ANKRD26: variants seen among roughly 807,000 people sequenced by gnomAD.
The protein encoded by ANKRD26 is ankyrin repeat domain 26, also known as ankyrin repeat domain-containing protein 26.
In ANKRD26, 141 loss-of-function variants were observed where a neutral mutation model predicts 208.7. The ratio of observed to expected loss-of-function variants is 0.68; its 90% CI spans 0.59 to 0.78. ANKRD26 has a LOEUF of 0.78. Ranked by LOEUF, ANKRD26 falls within the 30% of genes least tolerant of loss-of-function variation. The probability of loss-of-function intolerance (pLI) is 0.00; values close to 1 mark genes in which losing one functional copy is unlikely to be tolerated. For missense variants in ANKRD26, 1,889 were observed against 1,938.7 expected (o/e 0.97, Z 0.48); for synonymous variants, 636 against 660.4 (o/e 0.96, Z 0.57).
intron 21 of ANKRD26, 126 bp from the exon 22 acceptor site, chr10:27,038,180 C>A: frequency 1.3e-6 from 1 of 788,176 alleles, no homozygotes; most frequent in Non-Finnish European, 2.0e-6. Context: ...AATATTTTTC[C>A]TTTCTAGTTC....
intron 9 of ANKRD26, among the ~76,000 whole-genome samples, chr10:27,071,058 C>T (rs999114215): frequency 2.0e-5 from 3 of 151,752 alleles, no homozygotes; most frequent in South Asian, 2.1e-4. Context: ...AAATTTTGAC[C>T]GCTTTCATTT....
At position 27,061,896 on chromosome 10, in the gene ANKRD26, T is replaced by C. The variant is rs934020516; in HGVS notation, c.1364-654A>G. 19 of 956,204 alleles carry C rather than the reference T, an allele frequency of 2.0e-5. No homozygotes were observed. In the Admixed American group the frequency reaches 8.0e-4, roughly 40 times the overall value. 59.2% of individuals were successfully genotyped at this position (956,204 alleles called of 1,614,324 possible). On this transcript the variant is annotated intron_variant, in intron 12 of 33. Transcript: ENST00000376087. ...ATATATCTTTGATGTCTGATAGTTA[T>C]AGAAAGGAGATATGAATCACTGTAG...
rs11404415 is a variant in ANKRD26, at chr10:27,099,562, T to TGGG, written c.242+520_242+522dup. ...TCCAAGTAGCTGAGACTATTAGAGT[T>TGGG]GGGGGGGGGGGTCTCGCTATAATGC... is the stretch of plus-strand genomic sequence containing the variant. On this transcript the variant is annotated intron_variant, in intron 1 of 33. Coordinates refer to ENST00000376087, the MANE Select transcript of ANKRD26 (RefSeq NM_014915.3). Among the ~76,000 whole-genome samples, 79 of 113,710 alleles carry TGGG rather than the reference T, an allele frequency of 6.9e-4. 1 individual carries two copies. The highest frequency in any genetic ancestry group is 4.0e-3 in the Middle Eastern group (1 of 252). The allele number at this position is 113,710 out of a possible 152,430, so 74.6% of individuals were successfully genotyped here. A position where few individuals can be genotyped will look rare whatever the true frequency, so the allele number is the denominator to read the frequency against.
At chr10:27,098,126 T>C (rs138160418) in intron 1 of ANKRD26, among the ~76,000 whole-genome samples, 11 of 151,932 alleles carry the variant, frequency 7.2e-5, no homozygotes, top group African/African-American at 2.6e-4. Context: ...TCTTTTTTTA[T>C]TTTTATTTTT....
intron 16 of ANKRD26, 87 bp downstream of exon 16, chr10:27,053,233 C>G: frequency 1.0e-5 from 10 of 978,460 alleles, no homozygotes; most frequent in Admixed American, 1.9e-5. Flanking sequence ...AAAGGCTAGT[C>G]TGAAAAGTAA....
chr10:27,082,140 AG>A (rs1354054835), intron 6 of ANKRD26, among the ~76,000 whole-genome samples: 1 of 152,052 alleles, frequency 6.6e-6, no homozygotes, highest in Non-Finnish European at 1.5e-5. Flanking sequence ...ACTAGCCTAA[AG>A]GGAAAACCAA....
chr10:27,071,127 G>C (rs1316552481), intron 9 of ANKRD26, among the ~76,000 whole-genome samples: 2 of 148,286 alleles, frequency 1.3e-5, no homozygotes, highest in South Asian at 4.3e-4. Flanking sequence ...AGATAAATCA[G>C]AATATTGCAG....
intron 25 of ANKRD26, among the ~76,000 whole-genome samples, chr10:27,031,132 C>A (rs1456282686): frequency 1.3e-5 from 2 of 152,154 alleles, no homozygotes; most frequent in African/African-American, 4.8e-5. Flanking sequence ...ACAGAAACTG[C>A]AAAGGCAGGA....
chr10:27,067,648 GATCCC>G (rs1373387099), intron 9 of ANKRD26, among the ~76,000 whole-genome samples: 10 of 152,160 alleles, frequency 6.6e-5, no homozygotes, highest in Admixed American at 5.2e-4. Flanking sequence ...TAAAGAAGCA[GATCCC>G]ATGAGAACTC....
At chr10:26,997,635 A>G (rs2052622444) in intron 4 of ANKRD26, among the ~76,000 whole-genome samples, 1 of 152,174 alleles carries the variant, frequency 6.6e-6, no homozygotes, top group Admixed American at 6.5e-5. Context: ...TTGGGAGAGA[A>G]GCTGAGGCAG....
Position 27,061,242 on chromosome 10 carries a change from T to G in ANKRD26, c.1364A>C (p.Asp455Ala), listed in dbSNP as rs199857139. The stretch of plus-strand genomic sequence containing the variant: ...CATGCAAGAAGGTATATAAAACACA[T>G]CTAAGAAATAATACATAATAAGCTT... ...EKNIGNEQAE[D>A]VFYIPSCMSG... Residue 455 changes from aspartate to alanine, a missense_variant and splice_region_variant, in exon 13 of 34, where the codon GAT becomes GCT. Around this residue, in one of 3 missense-constraint regions of ANKRD26, gnomAD observed 1,272 missense variants for 1,273.8 expected, o/e 1.00. Coordinates refer to ENST00000376087, the MANE Select transcript of ANKRD26 (RefSeq NM_014915.3). 1 of 1,574,330 alleles carries G rather than the reference T, an allele frequency of 6.4e-7. No individual in the cohort carries two copies. The highest frequency in any genetic ancestry group is 1.1e-5 in the South Asian group (1 of 90,002).
At chr10:27,010,413 T>C (rs538716180) in intron 32 of ANKRD26, among the ~76,000 whole-genome samples, 3 of 152,352 alleles carry the variant, frequency 2.0e-5, no homozygotes, top group Admixed American at 6.5e-5. Context: ...TTATAAAATG[T>C]TGTTACCTGA....
Position 27,005,252 on chromosome 10 carries a change from A to C in ANKRD26, c.*338T>G, listed in dbSNP as rs1402128231. The C allele has an allele frequency of 3.9e-6, 4 of 1,019,268 alleles. No homozygotes were observed. In the African/African-American group the frequency reaches 5.2e-5, roughly 13 times the overall value. 63.1% of individuals were successfully genotyped at this position (1,019,268 alleles called of 1,614,324 possible). A position where few individuals can be genotyped will look rare whatever the true frequency, so the allele number is the denominator to read the frequency against. On this transcript the variant is annotated 3_prime_UTR_variant, in exon 34 of 34. Transcript: ENST00000376087. ...AACAAAATGATGTCTAAGTCCAATT[A>C]GACATCTACCACTACATATAGTGAT...
At chr10:27,041,608 A>C (rs1017318293) in intron 20 of ANKRD26, among the ~76,000 whole-genome samples, 3 of 152,198 alleles carry the variant, frequency 2.0e-5, no homozygotes, top group African/African-American at 7.2e-5. Context: ...TTTTTTAAAA[A>C]CCAAATTGCA....
Position 27,033,244 on chromosome 10 carries a change from A to G in ANKRD26, c.3788T>C (p.Leu1263Ser), listed in dbSNP as rs1360960169. Residue 1263 changes from leucine to serine, a missense_variant, in exon 25 of 34, where the codon TTA (leucine) becomes TCA (serine). By Grantham distance (145) the Leu-to-Ser change is moderately radical. Around this residue, in one of 3 missense-constraint regions of ANKRD26, gnomAD observed 613 missense variants for 648.2 expected, o/e 0.95. Transcript: ENST00000376087. ...ACATACTTGATTTCTGATTTGACCT[A>G]ATTTCTTCTTTAAATCCTGTGTCTC... ...EDETQDLKKK[L>S]GQIRNQLQEA... The G allele has an allele frequency of 1.2e-6, 2 of 1,611,232 alleles. No individual in the cohort carries two copies. The highest frequency in any genetic ancestry group is 1.7e-6 in the Non-Finnish European group (2 of 1,178,032).
intron 32 of ANKRD26, among the ~76,000 whole-genome samples, chr10:27,007,742 A>C (rs2052942785): frequency 6.6e-6 from 1 of 152,226 alleles, no homozygotes; most frequent in Non-Finnish European, 1.5e-5. Context: ...TTTTTGGTAC[A>C]GAATCATCAA....
intron 15 of ANKRD26, among the ~76,000 whole-genome samples, chr10:27,056,750 T>C (rs2054853703): frequency 6.6e-6 from 1 of 151,930 alleles, no homozygotes; most frequent in African/African-American, 2.4e-5. Context: ...GCACTCCAGC[T>C]TGGGCAGCAA....
At chr10:26,979,905 A>G (rs985512462) in intron 5 of ANKRD26, among the ~76,000 whole-genome samples, 1 of 148,072 alleles carries the variant, frequency 6.8e-6, no homozygotes, top group South Asian at 2.2e-4. Flanking sequence ...CTTTAACTAT[A>G]AATGCATAAC....
chr10:27,025,161 T>C (rs1473756573), intron 27 of ANKRD26, among the ~76,000 whole-genome samples: 2 of 95,410 alleles, frequency 2.1e-5, no homozygotes, highest in Non-Finnish European at 4.2e-5. Flanking sequence ...CATTGGACTC[T>C]CTTTTTTGTT....
Sources: allele counts gnomAD v4.1 joint callset (sites outside exome capture counted in the v4.1 genomes callset), GRCh38; gene constraint gnomAD v4.1.1; regional missense constraint gnomAD v4.1.1; transcripts MANE v1.5; gene names NCBI Gene and HGNC (gene_info 2026-07-23, HGNC 2026-07-21).